The following SMYD3 variants were observed in gnomAD, a reference collection of about 807,000 sequenced individuals.
SMYD3 encodes histone-lysine N-methyltransferase SMYD3.
Under a neutral mutation model 57.7 loss-of-function variants are expected in SMYD3, and 36 were observed. That is an observed-to-expected ratio of 0.62 (90% confidence interval 0.48 to 0.82). The LOEUF is 0.82. Among genes scored for constraint, SMYD3 ranks in the 40% least tolerant of loss-of-function variants. The pLI, the probability that SMYD3 is intolerant of heterozygous loss-of-function variation, is 0.00. For missense variants in SMYD3, 515 were observed against 538.8 expected (o/e 0.96, Z 0.44); for synonymous variants, 211 against 195.0 (o/e 1.08, Z -0.68).
intron 1 of SMYD3, among the ~76,000 whole-genome samples, chr1:246,391,668 A>G (rs2066574780): frequency 6.6e-6 from 1 of 152,210 alleles, no homozygotes; most frequent in African/African-American, 2.4e-5. Context: ...ACATATTACT[A>G]GAGACAAGGA....
chr1:246,309,648 T>C (rs2065042052), intron 5 of SMYD3, among the ~76,000 whole-genome samples: 1 of 152,176 alleles, frequency 6.6e-6, no homozygotes, highest in South Asian at 2.1e-4. Flanking sequence ...TATTTATCAA[T>C]GAAATGCTCC....
At chr1:246,433,817 C>T (rs1015195753) in intron 1 of SMYD3, among the ~76,000 whole-genome samples, 17 of 152,240 alleles carry the variant, frequency 1.1e-4, no homozygotes, top group Non-Finnish European at 2.1e-4. Flanking sequence ...ATTGCCCAAG[C>T]GATTCTAAGC....
chr1:246,390,417 A>T (rs1166517363), intron 1 of SMYD3, among the ~76,000 whole-genome samples: 1 of 152,036 alleles, frequency 6.6e-6, no homozygotes, highest in Non-Finnish European at 1.5e-5. Flanking sequence ...AAAATAGCAC[A>T]ATGCAGAATG....
chr1:246,423,571 C>G (rs1176151208), intron 1 of SMYD3, among the ~76,000 whole-genome samples: 1 of 151,990 alleles, frequency 6.6e-6, no homozygotes, highest in African/African-American at 2.4e-5. Context: ...TGTGGAGACG[C>G]ACACCTGCAG....
chr1:246,311,353 C>A (rs556604305), intron 5 of SMYD3, among the ~76,000 whole-genome samples: 28 of 152,262 alleles, frequency 1.8e-4, no homozygotes, highest in African/African-American at 6.5e-4. Context: ...CAAAAAAAAT[C>A]TTTGTAGCAT....
intron 5 of SMYD3, among the ~76,000 whole-genome samples, chr1:246,027,869 T>C (rs1445338623): frequency 6.6e-6 from 1 of 152,206 alleles, no homozygotes; most frequent in Non-Finnish European, 1.5e-5. Context: ...CTGGGGACAG[T>C]AAATTGAAAA....
intron 8 of SMYD3, among the ~76,000 whole-genome samples, chr1:245,911,704 G>T (rs1044484828): frequency 2.0e-5 from 3 of 152,038 alleles, no homozygotes; most frequent in African/African-American, 7.2e-5. Context: ...TAGAGATAGT[G>T]AATACAATAG....
At chr1:246,040,592 G>A (rs1161408371) in intron 5 of SMYD3, among the ~76,000 whole-genome samples, 1 of 152,190 alleles carries the variant, frequency 6.6e-6, no homozygotes, top group Non-Finnish European at 1.5e-5. Flanking sequence ...AAATCCTTCT[G>A]GATGTCAAGG....
At chr1:246,196,375 G>A (rs1208102714) in intron 5 of SMYD3, among the ~76,000 whole-genome samples, 1 of 152,114 alleles carries the variant, frequency 6.6e-6, no homozygotes, top group Non-Finnish European at 1.5e-5. Flanking sequence ...AATTGCTGAC[G>A]TATTTGCATT....
chr1:245,944,807 A>G (rs1217837457), intron 5 of SMYD3, among the ~76,000 whole-genome samples: 2 of 152,204 alleles, frequency 1.3e-5, no homozygotes, highest in Non-Finnish European at 2.9e-5. Context: ...AGACTAATGG[A>G]ACAGAATAGA....
At chr1:246,021,163 T>G (rs1188457671) in intron 5 of SMYD3, among the ~76,000 whole-genome samples, 1 of 152,166 alleles carries the variant, frequency 6.6e-6, no homozygotes, top group Non-Finnish European at 1.5e-5. Flanking sequence ...TCTCTCAGTC[T>G]CTGATAGAAG....
At chr1:246,182,829 A>G (rs2062575464) in intron 5 of SMYD3, among the ~76,000 whole-genome samples, 1 of 152,156 alleles carries the variant, frequency 6.6e-6, no homozygotes. Context: ...TATGTTCAAC[A>G]TCACTTCCAT....
At chr1:245,804,430 C>T (rs556737293) in intron 10 of SMYD3, among the ~76,000 whole-genome samples, 7 of 152,094 alleles carry the variant, frequency 4.6e-5, no homozygotes, top group Middle Eastern at 3.4e-3. Flanking sequence ...AAAATACGGG[C>T]GCCTGTAGTC....
At chr1:246,345,803 A>G (rs765740137) in intron 2 of SMYD3, among the ~76,000 whole-genome samples, 5 of 152,186 alleles carry the variant, frequency 3.3e-5, no homozygotes, top group Non-Finnish European at 7.3e-5. Context: ...GTCTGGCCCT[A>G]ACACCCTAAG....
intron 1 of SMYD3, among the ~76,000 whole-genome samples, chr1:246,446,981 A>G (rs2067558967): frequency 6.6e-6 from 1 of 150,724 alleles, no homozygotes; most frequent in Admixed American, 6.6e-5. Context: ...GTGAGCCGAG[A>G]TCGTGCCACT....
chr1:245,979,363 A>G (rs923743680), intron 5 of SMYD3, among the ~76,000 whole-genome samples: 2 of 152,194 alleles, frequency 1.3e-5, no homozygotes, highest in Admixed American at 6.5e-5. Context: ...AGTACCCTAA[A>G]ATGTGACCTT....
Position 245,939,643 on chromosome 1 carries a change from T to TAAAC in SMYD3, c.532-9707_532-9706insGTTT, listed in dbSNP as rs551996539. Among the ~76,000 whole-genome samples the TAAAC allele has an allele frequency of 6.3e-3, 948 of 151,410 alleles. 5 individuals carry two copies. Among genetic ancestry groups the TAAAC allele is most frequent in the Non-Finnish European group, 9.8e-3 (661 of 67,696 alleles). On this transcript the variant is annotated intron_variant, in intron 5 of 11. Transcript: ENST00000490107. ...TCCGTCTCAGGAAGAAATAAATAAA[T>TAAAC]AAATAGCCAAACCCTGGCCTAGAGG...
intron 5 of SMYD3, among the ~76,000 whole-genome samples, chr1:245,977,022 TCTAGC>T: frequency 8.3e-6 from 1 of 120,616 alleles, no homozygotes; most frequent in Admixed American, 8.3e-5. Context: ...AGCCATCGTC[TCTAGC>T]CCAGGGAAAG....
intron 5 of SMYD3, among the ~76,000 whole-genome samples, chr1:246,018,368 C>T (rs531252555): frequency 6.6e-6 from 1 of 152,258 alleles, no homozygotes; most frequent in East Asian, 1.9e-4. Flanking sequence ...AGACACTCAG[C>T]TTTGAGCCAA....
Sources: allele counts gnomAD v4.1 joint callset (sites outside exome capture counted in the v4.1 genomes callset), GRCh38; gene constraint gnomAD v4.1.1; transcripts MANE v1.5; gene names NCBI Gene and HGNC (gene_info 2026-07-23, HGNC 2026-07-21).